PDZD2: variants seen among roughly 807,000 people sequenced by gnomAD.
The protein encoded by PDZD2 is PDZ domain-containing protein 2.
A neutral mutation model predicts 220.7 loss-of-function variants in PDZD2; 90 were observed. The observed-to-expected ratio is 0.41, with a 90% CI of 0.34 to 0.49. The LOEUF (loss-of-function observed/expected upper bound fraction) is 0.49, where lower values mean the gene tolerates loss of function less well. Among genes scored for constraint, PDZD2 ranks in the 20% least tolerant of loss-of-function variants. The pLI is 0.28. For synonymous variants in PDZD2, 1,375 were observed against 1,450.5 expected (o/e 0.95, Z 1.18); for missense variants, 3,174 against 3,608.5 (o/e 0.88, Z 3.08).
rs878862899 is a variant in PDZD2, at chr5:32,009,485, T to C, written c.1255-845T>C. Among the ~76,000 whole-genome samples the C allele has an allele frequency of 2.6e-5, 4 of 152,124 alleles. No homozygotes were observed. In the South Asian group the frequency reaches 8.3e-4, roughly 32 times the overall value. ...ACTCACTCCTGTAATCCCAGCACTT[T>C]GGGAAGCCACAGCAGGAGAATGGCT... On this transcript the variant is annotated intron_variant, in intron 5 of 24. Coordinates refer to ENST00000438447, the MANE Select transcript of PDZD2 (RefSeq NM_178140.4).
intron 1 of PDZD2, among the ~76,000 whole-genome samples, chr5:31,670,559 G>A (rs1321342019): frequency 6.6e-6 from 1 of 152,132 alleles, no homozygotes; most frequent in Non-Finnish European, 1.5e-5. Flanking sequence ...TGGGATTACA[G>A]GCACCCGCCA....
At chr5:32,061,258 G>A (rs1350263312) in intron 14 of PDZD2, 124 bp downstream of exon 14, 4 of 760,002 alleles carry the variant, frequency 5.3e-6, no homozygotes, top group South Asian at 3.7e-5. Flanking sequence ...TGGTTCATGT[G>A]GGAAATGAAT....
chr5:31,778,319 T>C (rs1308792883), intron 1 of PDZD2, among the ~76,000 whole-genome samples: 1 of 151,924 alleles, frequency 6.6e-6, no homozygotes, highest in Non-Finnish European at 1.5e-5. Flanking sequence ...GGCAAGAGGC[T>C]CGGGTCCCCT....
At chr5:31,936,285 T>G (rs1745718244) in intron 2 of PDZD2, 1 of 987,554 alleles carries the variant, frequency 1.0e-6, no homozygotes, top group Non-Finnish European at 1.2e-6. Flanking sequence ...TTGGAGTCTG[T>G]CCCATTCCAG....
intron 1 of PDZD2, among the ~76,000 whole-genome samples, chr5:31,790,271 T>C (rs1166537379): frequency 6.6e-6 from 1 of 152,146 alleles, no homozygotes. Context: ...CTAATTTTTG[T>C]ATTTTTAGTA....
chr5:31,666,808 C>G (rs957396090), intron 1 of PDZD2, among the ~76,000 whole-genome samples: 4 of 152,180 alleles, frequency 2.6e-5, no homozygotes, highest in African/African-American at 9.6e-5. Flanking sequence ...TCTTTAAGAT[C>G]AGATAGACCA....
chr5:31,709,129 G>A (rs184978167), intron 1 of PDZD2, among the ~76,000 whole-genome samples: 35 of 152,104 alleles, frequency 2.3e-4, no homozygotes, highest in South Asian at 1.0e-3. Context: ...CTCATGATCC[G>A]CCCACCTCAG....
intron 2 of PDZD2, among the ~76,000 whole-genome samples, chr5:31,845,082 CTT>C (rs1290653435): frequency 1.3e-5 from 2 of 152,192 alleles, no homozygotes; most frequent in East Asian, 3.9e-4. Flanking sequence ...GAGAAGAATT[CTT>C]TCTCTCTCTC....
At chr5:31,828,871 C>T (rs1185189265) in intron 2 of PDZD2, among the ~76,000 whole-genome samples, 1 of 152,190 alleles carries the variant, frequency 6.6e-6, no homozygotes, top group Non-Finnish European at 1.5e-5. Flanking sequence ...AGCCTAGATA[C>T]AAGTTCCTTA....
In PDZD2 at chr5:32,083,151, G is replaced by T. The variant is rs1438965604; in HGVS notation, c.3683-3980G>T. The stretch of plus-strand genomic sequence containing the variant: ...TATCATTTGAGTCTTGTGCGTATAT[G>T]GGTGTGAATAAATATATAGTCCTGT... On this transcript the variant is annotated intron_variant, in intron 19 of 24. Coordinates refer to ENST00000438447, the MANE Select transcript of PDZD2 (RefSeq NM_178140.4). The surrounding 1 kb of genome is among the most constrained non-coding windows in gnomAD (Gnocchi z 4.1). Among the ~76,000 whole-genome samples the T allele has an allele frequency of 6.6e-6, 1 of 151,710 alleles. No individual in the cohort carries two copies. The highest frequency in any genetic ancestry group is 1.5e-5 in the Non-Finnish European group (1 of 68,010).
At chr5:31,891,644 A>AGTG (rs3037128) in intron 2 of PDZD2, among the ~76,000 whole-genome samples, 57,805 of 151,678 alleles carry the variant, frequency 0.38, 11,392 homozygotes, top group Admixed American at 0.46. Flanking sequence ...GCACTGGAGA[A>AGTG]GTGGCATTGT....
intron 2 of PDZD2, among the ~76,000 whole-genome samples, chr5:31,867,088 C>T (rs1341340873): frequency 6.6e-6 from 1 of 152,150 alleles, no homozygotes; most frequent in African/African-American, 2.4e-5. Flanking sequence ...CTGGTTACAC[C>T]ACCTGGTCGT....
intron 1 of PDZD2, among the ~76,000 whole-genome samples, chr5:31,690,060 T>G (rs1239274359): frequency 2.6e-5 from 4 of 152,108 alleles, no homozygotes; most frequent in Admixed American, 1.3e-4. Flanking sequence ...GAGCCAAGTC[T>G]CAGAGACAAG....
rs760808418 is a variant in PDZD2 at position 32,089,181 on chromosome 5, G to A, written c.5733G>A (p.Thr1911=). 8 of 1,613,970 alleles carry A rather than the reference G, an allele frequency of 5.0e-6. No individual in the cohort carries two copies. In the East Asian group the frequency reaches 8.9e-5, roughly 18 times the overall value. Residue 1911 remains threonine, a synonymous_variant, in exon 20 of 25, where the codon ACG becomes ACA. Coordinates refer to ENST00000438447, the MANE Select transcript of PDZD2 (RefSeq NM_178140.4). ...PAANAVKAGG[T]DHRKPLISPQ... is the part of the protein sequence containing the mutation. The stretch of plus-strand genomic sequence containing the variant: ...CGAATGCTGTGAAGGCTGGGGGGAC[G>A]GACCACAGGAAACCCTTGATCTCAC...
intron 1 of PDZD2, among the ~76,000 whole-genome samples, chr5:31,648,184 C>T (rs1207505359): frequency 6.6e-6 from 1 of 152,150 alleles, no homozygotes; most frequent in Non-Finnish European, 1.5e-5. Flanking sequence ...TATCTCGAGG[C>T]ATTGCCTACC....
intron 18 of PDZD2, among the ~76,000 whole-genome samples, chr5:32,074,897 G>A (rs945913070): frequency 2.6e-5 from 4 of 150,974 alleles, no homozygotes; most frequent in Non-Finnish European, 5.9e-5. Flanking sequence ...TGCAACCTCC[G>A]CCTCCCAGGT....
chr5:31,794,400 T>C (rs1233666486), intron 1 of PDZD2, among the ~76,000 whole-genome samples: 8 of 144,966 alleles, frequency 5.5e-5, no homozygotes, highest in South Asian at 2.3e-4. Flanking sequence ...TTTCTTTTTT[T>C]TTTTTTTTTT....
At chr5:32,045,881 C>G (rs1188767382) in intron 7 of PDZD2, among the ~76,000 whole-genome samples, 1 of 151,710 alleles carries the variant, frequency 6.6e-6, no homozygotes, top group African/African-American at 2.4e-5. Flanking sequence ...TTCCCACTTT[C>G]TATCACTTTT....
intron 14 of PDZD2, among the ~76,000 whole-genome samples, chr5:32,069,117 T>C (rs1740502089): frequency 6.6e-6 from 1 of 151,868 alleles, no homozygotes; most frequent in Non-Finnish European, 1.5e-5. Flanking sequence ...AATACAAAAA[T>C]TAGCCAGGCG....
Sources: gnomAD v4.1 joint callset for allele counts (sites outside exome capture counted in the v4.1 genomes callset) on GRCh38, gnomAD v4.1.1 for gene constraint, Gnocchi (gnomAD v3.1) non-coding constraint, MANE v1.5 for transcripts, NCBI Gene and HGNC (gene_info 2026-07-23, HGNC 2026-07-21) for gene names.